GLI3: variants seen among roughly 807,000 people sequenced by gnomAD.
GLI3 encodes transcription activator GLI3.
In GLI3, 20 loss-of-function variants were observed where a neutral mutation model predicts 100.8. The ratio of observed to expected loss-of-function variants is 0.20; its 90% confidence interval spans 0.14 to 0.29. The LOEUF is 0.29. Ranked by LOEUF, GLI3 falls within the 10% of genes least tolerant of loss-of-function variation. The pLI, the probability that GLI3 is intolerant of heterozygous loss-of-function variation, is 1.00. For missense variants in GLI3, 2,040 were observed against 2,128.5 expected (o/e 0.96, Z 0.82); for synonymous variants, 938 against 860.5 (o/e 1.09, Z -1.58).
chr7:42,051,125 G>A (rs554069842), intron 4 of GLI3, among the ~76,000 whole-genome samples: 2 of 152,284 alleles, frequency 1.3e-5, no homozygotes, highest in African/African-American at 2.4e-5. Context: ...TCTCTGGCAG[G>A]AGCACTGGGC....
intron 2 of GLI3, among the ~76,000 whole-genome samples, chr7:42,188,454 T>G (rs1787763279): frequency 6.6e-6 from 1 of 152,340 alleles, no homozygotes; most frequent in South Asian, 2.1e-4. Context: ...CTTTAAGGAA[T>G]TTATAAAAAT....
Position 42,223,182 on chromosome 7 carries a change from G to A in GLI3, c.72C>T (p.Ser24=). ...CTTTCTCGCTCACATCTGTTCGAGT[G>A]GAGCACTTCACTATGGAATTCTCAA... ...KKVENSIVKC[S]TRTDVSEKAV... Residue 24 remains serine (S), a synonymous_variant, in exon 2 of 15, where the codon TCC becomes TCT. Coordinates refer to ENST00000395925, the MANE Select transcript of GLI3 (RefSeq NM_000168.6). 1 of 1,613,716 alleles carries A rather than the reference G, an allele frequency of 6.2e-7. No homozygotes were observed. Among genetic ancestry groups the A allele is most frequent in the Non-Finnish European group, 8.5e-7 (1 of 1,179,662 alleles).
chr7:42,166,650 CTTTTTTT>C (rs1203814510), intron 2 of GLI3, among the ~76,000 whole-genome samples: 3 of 80,272 alleles, frequency 3.7e-5, no homozygotes, highest in East Asian at 3.6e-4. Flanking sequence ...GTTCTGATTC[CTTTTTTT>C]TTTTTTTTTT....
At chr7:42,170,083 C>T (rs1186745902) in intron 2 of GLI3, among the ~76,000 whole-genome samples, 4 of 151,338 alleles carry the variant, frequency 2.6e-5, no homozygotes, top group Admixed American at 2.0e-4. Context: ...AAACCTGCCT[C>T]TACTAAAAAT....
At chr7:42,054,687 A>C (rs575061843) in intron 4 of GLI3, among the ~76,000 whole-genome samples, 6 of 152,172 alleles carry the variant, frequency 3.9e-5, no homozygotes, top group Non-Finnish European at 7.3e-5. Flanking sequence ...AATTTGTAAG[A>C]AAAAATTTGC....
intron 2 of GLI3, among the ~76,000 whole-genome samples, chr7:42,174,349 C>T (rs1255599769): frequency 6.6e-6 from 1 of 152,154 alleles, no homozygotes; most frequent in Admixed American, 6.5e-5. Context: ...ATTCTAATTT[C>T]CTGACTTTGT....
At chr7:42,081,533 G>A (rs1029279994) in intron 3 of GLI3, among the ~76,000 whole-genome samples, 28 of 152,214 alleles carry the variant, frequency 1.8e-4, no homozygotes, top group African/African-American at 4.6e-4. Context: ...CTGTCATCAC[G>A]TTGAGCATTA....
chr7:42,152,387 G>A lies in GLI3; in HGVS notation c.125-3919C>T, dbSNP rs369131116. 24 of 985,064 alleles carry A rather than the reference G, an allele frequency of 2.4e-5. No homozygotes were observed. In the East Asian group the frequency reaches 4.5e-4, roughly 19 times the overall value. 61.0% of individuals were successfully genotyped at this position (985,064 alleles called of 1,614,324 possible). A position where few individuals can be genotyped will look rare whatever the true frequency, so the allele number is the denominator to read the frequency against. Reference sequence around the variant, plus strand: ...CCCAGGCTCTGGCTAGCTACTTTGCGCCAACTTCTCTTGGTGAGCTCTCTC... The same window carrying A: ...CCCAGGCTCTGGCTAGCTACTTTGCACCAACTTCTCTTGGTGAGCTCTCTC... On this transcript the variant is annotated intron_variant, in intron 2 of 14. Transcript: ENST00000395925.
rs116840760 is a variant in GLI3, at chr7:41,966,506, G to A, written c.2567C>T (p.Ser856Leu). The A allele has an allele frequency of 3.7e-6, 6 of 1,613,654 alleles. No individual in the cohort carries two copies. The highest frequency in any genetic ancestry group is 1.1e-5 in the South Asian group (1 of 91,084). ...GGAGCGGCGGCTGCTCAGGTAGGCC[G>A]AGCTGATGGTGCTGGCGCTGCTGTC... ...RRDSSASTIS[S>L]AYLSSRRSSG... The change falls in exon 15 of 15, where the codon TCG (serine) becomes TTG (leucine). Residue 856 changes from serine to leucine, a missense_variant. Transcript: ENST00000395925. The surrounding 1 kb of genome is among the most constrained non-coding windows in gnomAD (Gnocchi z 5.8).
chr7:42,211,386 C>T (rs1317550579), intron 2 of GLI3, among the ~76,000 whole-genome samples: 1 of 152,188 alleles, frequency 6.6e-6, no homozygotes, highest in Non-Finnish European at 1.5e-5. Context: ...AACTTTTCTA[C>T]TGCTCTCAAA....
intron 3 of GLI3, among the ~76,000 whole-genome samples, chr7:42,115,212 C>T (rs1785822944): frequency 7.1e-6 from 1 of 139,992 alleles, no homozygotes; most frequent in South Asian, 2.3e-4. Context: ...GATCTCAGCT[C>T]ACTGCAACTT....
chr7:42,240,464 A>G (rs1292735934), upstream of GLI3, among the ~76,000 whole-genome samples: 1 of 152,148 alleles, frequency 6.6e-6, no homozygotes, highest in Admixed American at 6.5e-5. Context: ...GGTGTCTTGC[A>G]GGGCCACACT....
At chr7:42,026,747 T>C (rs972511280) in intron 7 of GLI3, among the ~76,000 whole-genome samples, 24 of 152,252 alleles carry the variant, frequency 1.6e-4, no homozygotes, top group African/African-American at 5.5e-4. Flanking sequence ...AGGACTTTTA[T>C]TGGCTCTTAG....
chr7:42,165,992 C>T lies in GLI3; in HGVS notation c.125-17524G>A, dbSNP rs536030746. Among the ~76,000 whole-genome samples the T allele has an allele frequency of 5.9e-5, 9 of 152,246 alleles. No individual in the cohort carries two copies. In the East Asian group the frequency reaches 1.5e-3, roughly 26 times the overall value. On this transcript the variant is annotated intron_variant, in intron 2 of 14. Coordinates refer to ENST00000395925, the MANE Select transcript of GLI3 (RefSeq NM_000168.6). Reference sequence around the variant, plus strand: ...AGCAAAGTTAAAAGTTACGGTGTTCCGTATGCTCCCCTTCCTAAAAATCTT... The same window carrying T: ...AGCAAAGTTAAAAGTTACGGTGTTCTGTATGCTCCCCTTCCTAAAAATCTT...
At chr7:42,056,970 G>A (rs1200552533) in intron 4 of GLI3, among the ~76,000 whole-genome samples, 47 of 125,308 alleles carry the variant, frequency 3.8e-4, no homozygotes, top group Middle Eastern at 8.8e-3. Context: ...CAATAAGAGC[G>A]AAACTCCGTC....
intron 1 of GLI3, among the ~76,000 whole-genome samples, chr7:42,255,856 A>G (rs1206578398): frequency 6.6e-6 from 1 of 152,144 alleles, no homozygotes; most frequent in South Asian, 2.1e-4. Context: ...TTGTATGGTG[A>G]GTTATGTTTC....
At chr7:42,259,125 A>G (rs952202295) in intron 1 of GLI3, among the ~76,000 whole-genome samples, 5 of 152,210 alleles carry the variant, frequency 3.3e-5, no homozygotes, top group African/African-American at 1.2e-4. Flanking sequence ...ATCTAGTTCC[A>G]AGCTTAGCTA....
At chr7:42,029,135 A>G (rs544675405) in intron 7 of GLI3, among the ~76,000 whole-genome samples, 1 of 152,206 alleles carries the variant, frequency 6.6e-6, no homozygotes, top group Non-Finnish European at 1.5e-5. Context: ...CTCCTCGTGC[A>G]CAGACCTGGG....
At chr7:41,982,128 G>A (rs1227216410) in intron 10 of GLI3, among the ~76,000 whole-genome samples, 1 of 152,148 alleles carries the variant, frequency 6.6e-6, no homozygotes, top group Non-Finnish European at 1.5e-5. Context: ...TTCTGGAACT[G>A]CTCTTAAGTT....
Sources: allele counts gnomAD v4.1 joint callset (sites outside exome capture counted in the v4.1 genomes callset), GRCh38; gene constraint gnomAD v4.1.1; non-coding constraint Gnocchi (gnomAD v3.1); transcripts MANE v1.5; gene names NCBI Gene and HGNC (gene_info 2026-07-23, HGNC 2026-07-21).